Variants in USP38 observed in about 807,000 individuals in gnomAD.
USP38 encodes ubiquitin carboxyl-terminal hydrolase 38.
A neutral mutation model predicts 94.3 loss-of-function variants in USP38; 49 were observed. The observed-to-expected ratio is 0.52, with a 90% confidence interval of 0.41 to 0.66. The LOEUF is 0.66. Ranked by LOEUF, USP38 falls within the 30% of genes least tolerant of loss-of-function variation. The pLI, the probability that USP38 is intolerant of heterozygous loss-of-function variation, is 0.00. For missense variants in USP38, 1,128 were observed against 1,229.4 expected, an observed-to-expected ratio of 0.92 and a Z score of 1.23; for synonymous variants, 468 against 463.6, an observed-to-expected ratio of 1.01 and a Z score of -0.12.
intron 3 of USP38, among the ~76,000 whole-genome samples, chr4:143,197,078 C>T (rs1256091953): frequency 6.6e-6 from 1 of 152,164 alleles, no homozygotes; most frequent in African/African-American, 2.4e-5. Context: ...CCCACTTTTT[C>T]TCTAGTCCCA....
chr4:143,209,104 ACTTAT>A (rs36213884), intron 6 of USP38, among the ~76,000 whole-genome samples: 89,444 of 150,862 alleles, frequency 0.59, 26,618 homozygotes, highest in East Asian at 0.82. Context: ...ATTTAAGTTT[ACTTAT>A]CTTATAAATT....
chr4:143,185,284 T>G lies in USP38; in HGVS notation c.-167T>G. On this transcript the variant is annotated 5_prime_UTR_variant, in exon 1 of 10. Transcript: ENST00000307017. ...TAGCTCCCGCCCCGGCTTGGATGGG[T>G]CTCCCTGCGCCATAAATGTGGCTGC... The G allele has an allele frequency of 1.4e-6, 1 of 733,574 alleles. No homozygotes were observed. The highest frequency in any genetic ancestry group is 2.2e-6 in the Non-Finnish European group (1 of 463,700). 45.4% of individuals were successfully genotyped at this position (733,574 alleles called of 1,614,324 possible).
chr4:143,216,955 A>ATG (rs1458487212), intron 9 of USP38, among the ~76,000 whole-genome samples: 1 of 152,122 alleles, frequency 6.6e-6, no homozygotes, highest in African/African-American at 2.4e-5. Context: ...GATTACAGGC[A>ATG]TACGCCAACG....
At chr4:143,193,768 T>G (rs1439896944) in intron 2 of USP38, among the ~76,000 whole-genome samples, 5 of 152,354 alleles carry the variant, frequency 3.3e-5, no homozygotes, top group South Asian at 2.1e-4. Flanking sequence ...ACAACTGTTG[T>G]GAAAATAACC....
At chr4:143,196,869 A>G (rs1252651609) in intron 3 of USP38, among the ~76,000 whole-genome samples, 1 of 152,070 alleles carries the variant, frequency 6.6e-6, no homozygotes, top group Non-Finnish European at 1.5e-5. Flanking sequence ...CAAGCCAAAA[A>G]CCTTGAAGCT....
intron 2 of USP38, among the ~76,000 whole-genome samples, chr4:143,195,348 G>A (rs1341920457): frequency 6.6e-6 from 1 of 152,196 alleles, no homozygotes; most frequent in Non-Finnish European, 1.5e-5. Context: ...TGCCCAGCCA[G>A]TAAATATGTA....
rs779087999 is a variant in USP38 at position 143,187,784 on chromosome 4, C to A, written c.683-42C>A. On this transcript the variant is annotated intron_variant, in intron 1 of 9. Transcript: ENST00000307017. Reference sequence around the variant, plus strand: ...GTGTTGTTCTTTTTAAATACTTGAACCTACTTGCCATGTTCCCTTTTCTTT... The same window carrying A: ...GTGTTGTTCTTTTTAAATACTTGAAACTACTTGCCATGTTCCCTTTTCTTT... 4 of 1,556,264 alleles carry A rather than the reference C, an allele frequency of 2.6e-6. No individual in the cohort carries two copies. In the Admixed American group the frequency reaches 6.2e-5, roughly 24 times the overall value.
In USP38 at chr4:143,206,020, T is replaced by C. The variant is rs775463986; in HGVS notation, c.1210-13T>C. On this transcript the variant is annotated splice_polypyrimidine_tract_variant and intron_variant, in intron 5 of 9. Coordinates refer to ENST00000307017, the MANE Select transcript of USP38 (RefSeq NM_032557.6). The stretch of plus-strand genomic sequence containing the variant: ...TTTACTTTTAAACTGTTTTTCTTCT[T>C]TATGACCTATAGGATTTTCCTAAGC... The C allele has an allele frequency of 6.6e-7, 1 of 1,512,216 alleles. No individual in the cohort carries two copies. The highest frequency in any genetic ancestry group is 2.3e-5 in the Admixed American group (1 of 43,650). 93.7% of individuals were successfully genotyped at this position (1,512,216 alleles called of 1,614,324 possible).
chr4:143,193,422 C>T (rs1000510897), intron 2 of USP38, among the ~76,000 whole-genome samples: 1 of 152,172 alleles, frequency 6.6e-6, no homozygotes, highest in Non-Finnish European at 1.5e-5. Context: ...AGTGAATACC[C>T]TCTGTACACA....
At chr4:143,205,018 CAGA>C (rs1426429206) in intron 5 of USP38, among the ~76,000 whole-genome samples, 1 of 152,126 alleles carries the variant, frequency 6.6e-6, no homozygotes, top group Non-Finnish European at 1.5e-5. Flanking sequence ...TTTGACACTT[CAGA>C]AGTAGATTAT....
intron 6 of USP38, among the ~76,000 whole-genome samples, chr4:143,207,615 G>A (rs1731907658): frequency 6.6e-6 from 1 of 151,872 alleles, no homozygotes. Context: ...CAGCACTCAG[G>A]TGTTTTTGGT....
At position 143,220,403 on chromosome 4, in the gene USP38, A is replaced by C; in HGVS notation, c.3076A>C (p.Thr1026Pro). Residue 1026 changes from threonine to proline, a missense_variant, in exon 10 of 10, where the codon ACT becomes CCT. Thr to Pro is a conservative substitution (Grantham distance 38). Transcript: ENST00000307017. ...CGACCCACCAGGAAGCTGTGGACCA[A>C]CTGGTGGAGGGGGTGGAGGAGGATT... ...DNDPPGSCGP[T>P]GGGGGGGFNT... 1 of 1,613,272 alleles carries C rather than the reference A, an allele frequency of 6.2e-7. No individual in the cohort carries two copies. The highest frequency in any genetic ancestry group is 8.5e-7 in the Non-Finnish European group (1 of 1,179,516).
chr4:143,219,223 G>A (rs6827229), intron 9 of USP38, among the ~76,000 whole-genome samples: 90,219 of 151,792 alleles, frequency 0.59, 26,997 homozygotes, highest in East Asian at 0.82. Flanking sequence ...GGTGATTCTT[G>A]ATCATCTTGT....
At position 143,185,180 on chromosome 4, in the gene USP38, C is replaced by T; in HGVS notation, c.-271C>T. The stretch of plus-strand genomic sequence containing the variant: ...CGCTGATGCTGAGTGGGATCGAGGG[C>T]CCGGGGCGGCGGCGGAGTACGGGCC... On this transcript the variant is annotated 5_prime_UTR_variant, in exon 1 of 10. Transcript: ENST00000307017. 2.8e-6 allele frequency: 1 copy of T among 356,530 alleles called. No individual in the cohort carries two copies. Among genetic ancestry groups the T allele is most frequent in the South Asian group, 5.2e-5 (1 of 19,310 alleles). 22.1% of individuals were successfully genotyped at this position (356,530 alleles called of 1,614,324 possible). A position where few individuals can be genotyped will look rare whatever the true frequency, so the allele number is the denominator to read the frequency against.
At chr4:143,217,849 A>G (rs1055532196) in intron 9 of USP38, among the ~76,000 whole-genome samples, 2 of 152,184 alleles carry the variant, frequency 1.3e-5, no homozygotes, top group African/African-American at 4.8e-5. Flanking sequence ...TGGGAAAACA[A>G]TGCAAATTGT....
At position 143,212,467 on chromosome 4, in the gene USP38, A is replaced by G. The variant is rs549766980; in HGVS notation, c.1604+43A>G. On this transcript the variant is annotated intron_variant, in intron 8 of 9. Coordinates refer to ENST00000307017, the MANE Select transcript of USP38 (RefSeq NM_032557.6). ...AATTGTGATTTGAGTGTTGTCTTTC[A>G]TAACAGTTTAATTCTACTTAATATT... 13 of 1,381,220 alleles carry G rather than the reference A, an allele frequency of 9.4e-6. No homozygotes were observed. In the African/African-American group the frequency reaches 1.3e-4, roughly 14 times the overall value. The allele number at this position is 1,381,220 out of a possible 1,614,324, so 85.6% of individuals were successfully genotyped here.
In USP38 at chr4:143,217,898, A is replaced by C. The variant is rs561796128; in HGVS notation, c.2968-2397A>C. Among the ~76,000 whole-genome samples the C allele has an allele frequency of 2.7e-3, 417 of 152,290 alleles. 2 individuals carry two copies. Among genetic ancestry groups the C allele is most frequent in the African/African-American group, 9.6e-3 (398 of 41,568 alleles). ...AATTTTTGAAAGGACTTTTCTCTTC[A>C]TATATTTATTTCCCCTTCATATATT... is the stretch of plus-strand genomic sequence containing the variant. On this transcript the variant is annotated intron_variant, in intron 9 of 9. Transcript: ENST00000307017.
At chr4:143,193,506 C>T (rs1487547907) in intron 2 of USP38, among the ~76,000 whole-genome samples, 1 of 152,156 alleles carries the variant, frequency 6.6e-6, no homozygotes, top group East Asian at 1.9e-4. Flanking sequence ...ATCACCCCAA[C>T]AATAGTTGGA....
intron 5 of USP38, among the ~76,000 whole-genome samples, chr4:143,204,829 A>G (rs977016862): frequency 3.3e-4 from 50 of 152,306 alleles, no homozygotes; most frequent in African/African-American, 1.2e-3. Context: ...AATCAATTCT[A>G]TTGATGGTTT....
Sources: gnomAD v4.1 joint callset for allele counts (sites outside exome capture counted in the v4.1 genomes callset) on GRCh38, gnomAD v4.1.1 for gene constraint, MANE v1.5 for transcripts, NCBI Gene and HGNC (gene_info 2026-07-23, HGNC 2026-07-21) for gene names.